The following CCDC30 variants were observed in gnomAD, a reference collection of about 807,000 sequenced individuals.
CCDC30 encodes the protein coiled-coil domain-containing protein 30.
CCDC30 carries 70 observed loss-of-function variants against 100.2 expected under a neutral mutation model. That is an observed-to-expected ratio of 0.70 (90% CI 0.58 to 0.85). CCDC30 has a LOEUF of 0.85. CCDC30 is among the 40% of genes least tolerant of loss of function. The pLI, the probability that CCDC30 is intolerant of heterozygous loss-of-function variation, is 0.00. For synonymous variants in CCDC30, 233 were observed against 269.5 expected, an observed-to-expected ratio of 0.86 and a Z score of 1.33; for missense variants, 652 against 771.2, an observed-to-expected ratio of 0.85 and a Z score of 1.83.
chr1:42,652,046 A>G (rs947299887), intron 15 of CCDC30, among the ~76,000 whole-genome samples: 2 of 152,216 alleles, frequency 1.3e-5, no homozygotes, highest in Admixed American at 6.5e-5. Flanking sequence ...ACTTCTGGGT[A>G]TACATCCAAA....
At chr1:42,597,485 A>G (rs1328158096) in intron 10 of CCDC30, among the ~76,000 whole-genome samples, 2 of 152,232 alleles carry the variant, frequency 1.3e-5, no homozygotes, top group African/African-American at 4.8e-5. Flanking sequence ...TTCAGAAACC[A>G]TGAAAGCAAG....
chr1:42,535,637 A>G (rs1394370134), intron 6 of CCDC30, among the ~76,000 whole-genome samples: 2 of 93,950 alleles, frequency 2.1e-5, no homozygotes, highest in Non-Finnish European at 4.2e-5. Context: ...AGGTGAGTGG[A>G]TCGCTTGAGC....
intron 13 of CCDC30, among the ~76,000 whole-genome samples, chr1:42,642,940 C>A (rs1272675037): frequency 3.3e-5 from 5 of 152,076 alleles, no homozygotes; most frequent in Non-Finnish European, 7.4e-5. Flanking sequence ...CAAGGTAGAA[C>A]AAGAGAGAAT....
At chr1:42,530,037 A>G (rs1489368704) in intron 6 of CCDC30, among the ~76,000 whole-genome samples, 1 of 152,196 alleles carries the variant, frequency 6.6e-6, no homozygotes, top group African/African-American at 2.4e-5. Context: ...CCTACAACAT[A>G]CACACTGTAT....
chr1:42,633,324 A>G (rs1647077169), intron 11 of CCDC30, among the ~76,000 whole-genome samples: 1 of 151,944 alleles, frequency 6.6e-6, no homozygotes, highest in Non-Finnish European at 1.5e-5. Context: ...GCTCTGAGCT[A>G]TTTTTCTTTT....
intron 9 of CCDC30, 43 bp downstream of exon 13, chr1:42,581,557 G>A (rs1339459657): frequency 6.4e-7 from 1 of 1,566,146 alleles, no homozygotes; most frequent in Non-Finnish European, 8.7e-7. Context: ...GTTTAGCCAT[G>A]ACTGAGTTAA....
intron 6 of CCDC30, among the ~76,000 whole-genome samples, chr1:42,530,094 A>T (rs895940557): frequency 6.6e-6 from 1 of 152,206 alleles, no homozygotes; most frequent in Admixed American, 6.5e-5. Flanking sequence ...ACATGCAACC[A>T]TGGACATCAT....
intron 9 of CCDC30, among the ~76,000 whole-genome samples, chr1:42,588,418 G>A (rs566099753): frequency 6.6e-6 from 1 of 152,284 alleles, no homozygotes; most frequent in South Asian, 2.1e-4. Flanking sequence ...GGAAAATCAA[G>A]TGTGATGACC....
Position 42,545,580 on chromosome 1 carries a change from G to C in CCDC30, c.457-20716G>C, listed in dbSNP as rs1438563923. ...GAAAGGAAGAGACAGAGGAACTCTG[G>C]TAAATTGGGAAAATCCTATATCACA... On this transcript the variant is annotated intron_variant, in intron 6 of 16. Coordinates refer to ENST00000668663, the Ensembl canonical transcript of CCDC30. 1 of 1,598,574 alleles carries C rather than the reference G, an allele frequency of 6.3e-7. No homozygotes were observed. The highest frequency in any genetic ancestry group is 8.5e-7 in the Non-Finnish European group (1 of 1,175,282).
At chr1:42,495,782 T>A (rs1281909516) in intron 4 of CCDC30, among the ~76,000 whole-genome samples, 2 of 152,166 alleles carry the variant, frequency 1.3e-5, no homozygotes, top group African/African-American at 4.8e-5. Context: ...TGAATTCTAA[T>A]AAGAGGAATT....
intron 6 of CCDC30, among the ~76,000 whole-genome samples, chr1:42,561,208 T>G (rs1420074352): frequency 1.3e-5 from 2 of 152,168 alleles, no homozygotes; most frequent in Non-Finnish European, 2.9e-5. Flanking sequence ...AAATCCTGAA[T>G]AAAATACTGG....
intron 6 of CCDC30, among the ~76,000 whole-genome samples, chr1:42,507,759 G>A (rs1038751097): frequency 6.6e-6 from 1 of 152,156 alleles, no homozygotes; most frequent in Non-Finnish European, 1.5e-5. Context: ...TGTTAATTTT[G>A]TATGTCCCCA....
chr1:42,600,845 C>T (rs1245054558), intron 10 of CCDC30, among the ~76,000 whole-genome samples: 1 of 151,856 alleles, frequency 6.6e-6, no homozygotes, highest in African/African-American at 2.4e-5. Context: ...TGCTCTCTCC[C>T]TCCCTCCCTC....
At chr1:42,621,785 A>C (rs956826153) in intron 11 of CCDC30, among the ~76,000 whole-genome samples, 4 of 151,970 alleles carry the variant, frequency 2.6e-5, no homozygotes, top group Non-Finnish European at 4.4e-5. Context: ...TGCCGGGATT[A>C]CAGGTGTGAG....
chr1:42,543,214 C>T (rs1226181832), intron 6 of CCDC30, among the ~76,000 whole-genome samples: 1 of 148,910 alleles, frequency 6.7e-6, no homozygotes, highest in Non-Finnish European at 1.5e-5. Flanking sequence ...ACCTCATGAT[C>T]TGCCCACCTC....
At chr1:42,634,249 C>CAAAAAAA (rs754829759) in intron 11 of CCDC30, among the ~76,000 whole-genome samples, 17 of 115,294 alleles carry the variant, frequency 1.5e-4, no homozygotes, top group Non-Finnish European at 1.8e-4. Context: ...AAGACTGTCT[C>CAAAAAAA]AAAAAAAAAA....
chr1:42,483,358 A>G (rs1643997014), intron 3 of CCDC30, among the ~76,000 whole-genome samples: 1 of 152,218 alleles, frequency 6.6e-6, no homozygotes, highest in African/African-American at 2.4e-5. Flanking sequence ...ACATTTTGGT[A>G]TATGTCTCAG....
intron 6 of CCDC30, among the ~76,000 whole-genome samples, chr1:42,500,513 AC>A (rs771014799): frequency 3.2e-4 from 48 of 151,636 alleles, no homozygotes; most frequent in Non-Finnish European, 5.7e-4. Context: ...TCCCGGGTTC[AC>A]ACCATTCTCT....
At chr1:42,637,157 C>T (rs750389873) in intron 11 of CCDC30, 80 bp from the exon 16 acceptor site, 7 of 1,137,430 alleles carry the variant, frequency 6.2e-6, no homozygotes, top group African/African-American at 4.8e-5. Context: ...AAGAGGACAC[C>T]CAAGAAAGGT....
Sources: gnomAD v4.1 joint callset for allele counts (sites outside exome capture counted in the v4.1 genomes callset) on GRCh38, gnomAD v4.1.1 for gene constraint, MANE v1.5 for transcripts, NCBI Gene and HGNC (gene_info 2026-07-23, HGNC 2026-07-21) for gene names.